Variants in NCKAP1 observed in about 807,000 individuals in gnomAD.
NCKAP1 encodes NCK associated protein 1.
NCKAP1 carries 21 observed loss-of-function variants against 151.2 expected under a neutral mutation model. The observed-to-expected ratio is 0.14, with a 90% CI of 0.10 to 0.20. NCKAP1 has a LOEUF of 0.20. Among genes scored for constraint, NCKAP1 ranks in the 10% least tolerant of loss-of-function variants. NCKAP1 has a pLI of 1.00. For synonymous variants in NCKAP1, 484 were observed against 451.8 expected (o/e 1.07, Z -0.90); for missense variants, 933 against 1,352.1 (o/e 0.69, Z 4.86).
intron 1 of NCKAP1, among the ~76,000 whole-genome samples, chr2:183,033,720 T>C (rs1699049969): frequency 2.6e-5 from 4 of 152,224 alleles, no homozygotes; most frequent in Non-Finnish European, 5.9e-5. Flanking sequence ...AATAGTCAAC[T>C]ATGCAATAAC....
intron 15 of NCKAP1, among the ~76,000 whole-genome samples, chr2:182,968,600 G>C (rs1353515047): frequency 1.3e-5 from 2 of 152,180 alleles, no homozygotes; most frequent in Non-Finnish European, 2.9e-5. Context: ...CTCAAATTTA[G>C]TGTTCCTTAT....
Position 182,921,304 on chromosome 2 carries a change from G to T in NCKAP1, c.*4398C>A, listed in dbSNP as rs1696547082. 1.3e-5 allele frequency: 2 copies of T among 152,240 alleles called. No homozygotes were observed. Among genetic ancestry groups the T allele is most frequent in the Non-Finnish European group, 2.9e-5 (2 of 68,016 alleles). The allele number at this position is 152,240 out of a possible 1,614,324, so 9.4% of individuals were successfully genotyped here. On this transcript the variant is annotated 3_prime_UTR_variant, in exon 31 of 31. Coordinates refer to ENST00000361354, the MANE Select transcript of NCKAP1 (RefSeq NM_013436.5). The stretch of plus-strand genomic sequence containing the variant: ...ATTTCCTACTTATTCATGGATTCTA[G>T]AAGCTTATTTTATGATGGTAATCTT...
At chr2:182,957,737 C>A in intron 18 of NCKAP1, 141 bp from the exon 19 acceptor site, 2 of 910,510 alleles carry the variant, frequency 2.2e-6, no homozygotes, top group Non-Finnish European at 3.2e-6. Context: ...AAGTGAGATA[C>A]AGAGCTTACT....
In NCKAP1 at chr2:183,038,382, C is replaced by T. The variant is rs960193257; in HGVS notation, c.-283G>A. Reference sequence around the variant, plus strand: ...CCCCGGCGCTCTCCGCCCCAGCCCCCAACGAGCCGCCTTCCCCGGCTGCTC... The same window carrying T: ...CCCCGGCGCTCTCCGCCCCAGCCCCTAACGAGCCGCCTTCCCCGGCTGCTC... On this transcript the variant is annotated 5_prime_UTR_variant, in exon 1 of 31. Coordinates refer to ENST00000361354, the MANE Select transcript of NCKAP1 (RefSeq NM_013436.5). 3.7e-6 allele frequency: 1 copy of T among 271,092 alleles called. No homozygotes were observed. The highest frequency in any genetic ancestry group is 6.8e-6 in the Non-Finnish European group (1 of 147,646). 16.8% of individuals were successfully genotyped at this position (271,092 alleles called of 1,614,324 possible). A position where few individuals can be genotyped will look rare whatever the true frequency, so the allele number is the denominator to read the frequency against.
At chr2:183,024,927 T>C in intron 1 of NCKAP1, 1 of 1,601,162 alleles carries the variant, frequency 6.2e-7, no homozygotes, top group Non-Finnish European at 8.5e-7. Context: ...AACATGAAAC[T>C]GATCTGAAAG....
At chr2:182,993,639 C>T (rs1698211548) in intron 8 of NCKAP1, among the ~76,000 whole-genome samples, 1 of 152,072 alleles carries the variant, frequency 6.6e-6, no homozygotes, top group Non-Finnish European at 1.5e-5. Flanking sequence ...AAACCAAATA[C>T]TACATGTTCT....
chr2:183,020,390 A>G (rs1350798489), intron 2 of NCKAP1, among the ~76,000 whole-genome samples: 1 of 148,438 alleles, frequency 6.7e-6, no homozygotes, highest in Non-Finnish European at 1.5e-5. Context: ...GATTGAGACC[A>G]GGAGGTGGAG....
chr2:182,934,919 GT>G (rs1696842546), intron 25 of NCKAP1, 87 bp from the exon 26 acceptor site: 2 of 641,264 alleles, frequency 3.1e-6, no homozygotes, highest in Non-Finnish European at 5.1e-6. Flanking sequence ...ATTAATTTTA[GT>G]TTTCATAAAA....
chr2:183,004,488 C>CAAAAAAAAAAAAAAAAA (rs34055584), intron 2 of NCKAP1, among the ~76,000 whole-genome samples: 1 of 78,820 alleles, frequency 1.3e-5, no homozygotes, highest in Non-Finnish European at 2.8e-5. Context: ...AAACAGCAAG[C>CAAAAAAAAAAAAAAAAA]AAAAAAAAAA....
At chr2:182,951,683 CAAGT>C (rs1209221595) in intron 23 of NCKAP1, among the ~76,000 whole-genome samples, 1 of 148,662 alleles carries the variant, frequency 6.7e-6, no homozygotes, top group Non-Finnish European at 1.5e-5. Context: ...TATCAAGACT[CAAGT>C]AACCACCAAA....
chr2:183,024,551 G>A (rs753818804), intron 1 of NCKAP1, among the ~76,000 whole-genome samples: 16 of 152,110 alleles, frequency 1.1e-4, no homozygotes, highest in African/African-American at 3.4e-4. Context: ...ATATGTTTAC[G>A]TTTTGACCGT....
rs374748591 is a variant in NCKAP1, at chr2:182,925,680, T to C, written c.*22A>G. 2 of 1,426,628 alleles carry C rather than the reference T, an allele frequency of 1.4e-6. No individual in the cohort carries two copies. Among genetic ancestry groups the C allele is most frequent in the Non-Finnish European group, 1.9e-6 (2 of 1,044,380 alleles). 88.4% of individuals were successfully genotyped at this position (1,426,628 alleles called of 1,614,324 possible). A position where few individuals can be genotyped will look rare whatever the true frequency, so the allele number is the denominator to read the frequency against. On this transcript the variant is annotated 3_prime_UTR_variant, in exon 31 of 31. Coordinates refer to ENST00000361354, the MANE Select transcript of NCKAP1 (RefSeq NM_013436.5). ...AACCAAGGCAACAAAAATGCGTGCT[T>C]ATCTTGATTAAGTAGGTAATTTTAT...
chr2:182,976,896 T>C lies in NCKAP1; in HGVS notation c.1479A>G (p.Leu493=), dbSNP rs765518379. Residue 493 remains leucine (L), a synonymous_variant, in exon 15 of 31, where the codon TTA becomes TTG. Transcript: ENST00000361354. ...GACAATAAAAGGTTATTCTTACCTG[T>C]AACCTAAACCAATCTAATCTCATTC... ...FRGMRLDWFR[L]QAYTSVSKAS... 5.9e-6 allele frequency: 9 copies of C among 1,525,290 alleles called. No individual in the cohort carries two copies. The South Asian group carries it at 1.0e-4, about 18-fold the overall frequency. 94.5% of individuals were successfully genotyped at this position (1,525,290 alleles called of 1,614,324 possible). A position where few individuals can be genotyped will look rare whatever the true frequency, so the allele number is the denominator to read the frequency against.
At position 183,002,159 on chromosome 2, in the gene NCKAP1, G is replaced by A; in HGVS notation, c.480C>T (p.Tyr160=). 2 of 1,612,882 alleles carry A rather than the reference G, an allele frequency of 1.2e-6. No individual in the cohort carries two copies. Among genetic ancestry groups the A allele is most frequent in the Non-Finnish European group, 1.7e-6 (2 of 1,179,134 alleles). Residue 160 remains tyrosine (Y), a synonymous_variant, in exon 5 of 31, where the codon TAC becomes TAT. Coordinates refer to ENST00000361354, the MANE Select transcript of NCKAP1 (RefSeq NM_013436.5). ...CATGAGTCATTTCATGGGCATAGTT[G>A]TATAATCCAATGATTGCCTTCCTTT... The part of the protein sequence containing the change: ...IEERKAIIGL[Y]NYAHEMTHGA...
intron 23 of NCKAP1, 80 bp downstream of exon 23, chr2:182,952,325 T>C: frequency 2.3e-6 from 2 of 863,820 alleles, no homozygotes; most frequent in Non-Finnish European, 3.5e-6. Flanking sequence ...TAATTAACAT[T>C]GTAGGCTTGT....
intron 15 of NCKAP1, among the ~76,000 whole-genome samples, 181 bp from the exon 16 acceptor site, chr2:182,967,542 A>G (rs1477667210): frequency 6.6e-6 from 1 of 152,216 alleles, no homozygotes; most frequent in Non-Finnish European, 1.5e-5. Context: ...TCAAGAATTT[A>G]TTTAGTAAAC....
chr2:182,971,604 T>G (rs1391685826), intron 15 of NCKAP1, among the ~76,000 whole-genome samples: 1 of 150,432 alleles, frequency 6.6e-6, no homozygotes, highest in African/African-American at 2.4e-5. Flanking sequence ...AAATCAATCC[T>G]GAAAAGTACA....
chr2:182,988,891 C>T, intron 9 of NCKAP1, 139 bp downstream of exon 9: 1 of 610,554 alleles, frequency 1.6e-6, no homozygotes, highest in Non-Finnish European at 2.6e-6. Context: ...TTAAAAACAA[C>T]TTCCTGGGAT....
chr2:182,942,933 G>A (rs1697027538), intron 23 of NCKAP1, among the ~76,000 whole-genome samples: 1 of 152,142 alleles, frequency 6.6e-6, no homozygotes, highest in Admixed American at 6.5e-5. Context: ...AGAGAGAAGT[G>A]AGAGAGACAT....
Sources: gnomAD v4.1 joint callset for allele counts (sites outside exome capture counted in the v4.1 genomes callset) on GRCh38, gnomAD v4.1.1 for gene constraint, MANE v1.5 for transcripts, NCBI Gene and HGNC (gene_info 2026-07-23, HGNC 2026-07-21) for gene names.